Variants in GSTCD observed in about 807,000 individuals in gnomAD.
GSTCD encodes glutathione S-transferase C-terminal domain containing.
In GSTCD, 44 loss-of-function variants were observed where a neutral mutation model predicts 68.3. The ratio of observed to expected loss-of-function variants is 0.64; its 90% CI spans 0.51 to 0.83. The LOEUF (loss-of-function observed/expected upper bound fraction) is 0.83. GSTCD is among the 40% of genes least tolerant of loss of function. The pLI, the probability that GSTCD is intolerant of heterozygous loss-of-function variation, is 0.00. For synonymous variants in GSTCD, 273 were observed against 255.2 expected, an observed-to-expected ratio of 1.07 and a Z score of -0.67; for missense variants, 739 against 735.9, an observed-to-expected ratio of 1.00 and a Z score of -0.05.
At chr4:105,746,627 T>G (rs554387561) in intron 5 of GSTCD, among the ~76,000 whole-genome samples, 3 of 152,264 alleles carry the variant, frequency 2.0e-5, no homozygotes, top group South Asian at 4.2e-4. Context: ...GAAGTATGAA[T>G]TTTTTTAATT....
At chr4:105,840,094 C>G in intron 10 of GSTCD, 1 of 396,914 alleles carries the variant, frequency 2.5e-6, no homozygotes, top group East Asian at 7.3e-5. Flanking sequence ...ATGTGCCTTG[C>G]CCTTTCAGAA....
chr4:105,791,348 G>C (rs1306939124), intron 5 of GSTCD, among the ~76,000 whole-genome samples: 2 of 148,476 alleles, frequency 1.3e-5, no homozygotes, highest in Non-Finnish European at 3.0e-5. Flanking sequence ...AGCCGAGATC[G>C]CGCCACTGCA....
intron 9 of GSTCD, among the ~76,000 whole-genome samples, chr4:105,836,510 G>A (rs1337398715): frequency 6.6e-6 from 1 of 152,110 alleles, no homozygotes; most frequent in Non-Finnish European, 1.5e-5. Context: ...CATCCATGGT[G>A]CCCATGGCAC....
rs1227828488 is a variant in GSTCD at position 105,730,073 on chromosome 4, C to T, written c.1240+574C>T. ...CATGTCCCTACAAAGGACATGAACT[C>T]ATCCTTTTTTATGGCTGCATAGTAT... On this transcript the variant is annotated intron_variant, in intron 5 of 11. Transcript: ENST00000515279. 2.6e-5 allele frequency among the ~76,000 whole-genome samples: 4 copies of T among 152,296 alleles called. No individual in the cohort carries two copies. The East Asian group carries it at 7.7e-4, about 29-fold the overall frequency.
At chr4:105,818,335 G>T (rs1460840894) in intron 5 of GSTCD, among the ~76,000 whole-genome samples, 1 of 151,708 alleles carries the variant, frequency 6.6e-6, no homozygotes, top group African/African-American at 2.4e-5. Context: ...ATTCATTCTG[G>T]AATAAGGAAA....
rs1295719173 is a variant in GSTCD at position 105,846,975 on chromosome 4, A to G, written c.*1398A>G. The stretch of plus-strand genomic sequence containing the variant: ...CACCTGGCCATGTTCTTTATGGAAT[A>G]CTACAATGTGTTGTCACAGGATTTG... On this transcript the variant is annotated 3_prime_UTR_variant, in exon 12 of 12. Transcript: ENST00000515279. 1 of 152,128 alleles carries G rather than the reference A, an allele frequency of 6.6e-6. No individual in the cohort carries two copies. Among genetic ancestry groups the G allele is most frequent in the Non-Finnish European group, 1.5e-5 (1 of 68,026 alleles). 9.4% of individuals were successfully genotyped at this position (152,128 alleles called of 1,614,324 possible).
chr4:105,723,529 G>GA (rs1732937491), intron 3 of GSTCD, among the ~76,000 whole-genome samples: 1 of 151,738 alleles, frequency 6.6e-6, no homozygotes. Context: ...AAGTATAGGA[G>GA]AGGATGTGTA....
chr4:105,811,823 A>G (rs1214276762), intron 5 of GSTCD, among the ~76,000 whole-genome samples: 1 of 152,182 alleles, frequency 6.6e-6, no homozygotes, highest in Non-Finnish European at 1.5e-5. Context: ...TGAGTGTTTA[A>G]TTAGAAGACT....
chr4:105,784,813 C>T (rs867058732), intron 5 of GSTCD, among the ~76,000 whole-genome samples: 1 of 152,288 alleles, frequency 6.6e-6, no homozygotes, highest in Middle Eastern at 3.4e-3. Context: ...AATTTTCCCA[C>T]ATTTGGCCAG....
chr4:105,772,010 A>C (rs1361991133), intron 5 of GSTCD, among the ~76,000 whole-genome samples: 1 of 152,164 alleles, frequency 6.6e-6, no homozygotes, highest in African/African-American at 2.4e-5. Flanking sequence ...TGAGCATGGA[A>C]TGTTTTTCCA....
intron 5 of GSTCD, among the ~76,000 whole-genome samples, chr4:105,795,173 G>T (rs1735835057): frequency 6.6e-6 from 1 of 151,984 alleles, no homozygotes; most frequent in South Asian, 2.1e-4. Flanking sequence ...ACCCTTCCTT[G>T]TATATTGTGG....
intron 5 of GSTCD, among the ~76,000 whole-genome samples, chr4:105,764,138 A>C (rs897956389): frequency 1.3e-5 from 2 of 152,216 alleles, no homozygotes; most frequent in Non-Finnish European, 2.9e-5. Context: ...TTACACGTAT[A>C]ATATCAACTG....
intron 1 of GSTCD, among the ~76,000 whole-genome samples, chr4:105,713,223 C>T (rs185804648): frequency 1.1e-3 from 164 of 152,148 alleles, no homozygotes; most frequent in Non-Finnish European, 1.7e-3. Context: ...AGCCAGTATT[C>T]GAAGGATGGA....
intron 5 of GSTCD, among the ~76,000 whole-genome samples, chr4:105,818,488 T>G (rs1355042559): frequency 6.6e-6 from 1 of 151,574 alleles, no homozygotes; most frequent in Non-Finnish European, 1.5e-5. Context: ...TGGGCAAATA[T>G]CGAAAGTAGC....
At chr4:105,782,014 A>G (rs1475305456) in intron 5 of GSTCD, among the ~76,000 whole-genome samples, 3 of 152,148 alleles carry the variant, frequency 2.0e-5, no homozygotes, top group African/African-American at 7.2e-5. Flanking sequence ...ATTTTGCTTC[A>G]TTTAAATGCC....
At chr4:105,813,793 G>A (rs886402894) in intron 5 of GSTCD, among the ~76,000 whole-genome samples, 4 of 151,990 alleles carry the variant, frequency 2.6e-5, no homozygotes, top group Non-Finnish European at 5.9e-5. Context: ...TTTCAATTCA[G>A]TTACCTGCTC....
intron 10 of GSTCD, among the ~76,000 whole-genome samples, chr4:105,838,835 A>C (rs562741510): frequency 6.6e-6 from 1 of 152,380 alleles, no homozygotes; most frequent in Non-Finnish European, 1.5e-5. Flanking sequence ...GAAGTTGACA[A>C]ATTCATTTGG....
At chr4:105,710,525 G>C (rs1269879155) in intron 1 of GSTCD, among the ~76,000 whole-genome samples, 1 of 151,230 alleles carries the variant, frequency 6.6e-6, no homozygotes, top group Non-Finnish European at 1.5e-5. Flanking sequence ...CACCGCGCCC[G>C]GCCTGTTTTT....
chr4:105,814,513 G>A (rs545814184), intron 5 of GSTCD, among the ~76,000 whole-genome samples: 1 of 152,288 alleles, frequency 6.6e-6, no homozygotes, highest in Admixed American at 6.5e-5. Flanking sequence ...CTCGGAGGCT[G>A]AGGCAGGAGA....
Sources: allele counts gnomAD v4.1 joint callset (sites outside exome capture counted in the v4.1 genomes callset), GRCh38; gene constraint gnomAD v4.1.1; transcripts MANE v1.5; gene names NCBI Gene and HGNC (gene_info 2026-07-23, HGNC 2026-07-21).